RAB5A: variants seen among roughly 807,000 people sequenced by gnomAD.
RAB5A encodes the protein ras-related protein Rab-5A.
Under a neutral mutation model 25.7 loss-of-function variants are expected in RAB5A, and 8 were observed. The observed-to-expected ratio is 0.31, with a 90% CI of 0.18 to 0.56. The LOEUF is 0.56. Ranked by LOEUF, RAB5A falls within the 20% of genes least tolerant of loss-of-function variation. The pLI, the probability that RAB5A is intolerant of heterozygous loss-of-function variation, is 0.91. For missense variants in RAB5A, 192 were observed against 259.7 expected (o/e 0.74, Z 1.79); for synonymous variants, 98 against 89.8 (o/e 1.09, Z -0.52).
At chr3:19,960,404 A>G (rs1696568104) in intron 2 of RAB5A, among the ~76,000 whole-genome samples, 1 of 152,130 alleles carries the variant, frequency 6.6e-6, no homozygotes, top group African/African-American at 2.4e-5. Flanking sequence ...GGCTCCAGCC[A>G]TCTTCCCACC....
intron 2 of RAB5A, among the ~76,000 whole-genome samples, chr3:19,951,690 A>T (rs1438283873): frequency 1.1e-5 from 1 of 87,994 alleles, no homozygotes; most frequent in Non-Finnish European, 2.6e-5. Context: ...GCATGCCACC[A>T]TGCCAGGCAA....
intron 2 of RAB5A, among the ~76,000 whole-genome samples, chr3:19,969,175 G>A (rs1696709067): frequency 6.6e-6 from 1 of 151,674 alleles, no homozygotes; most frequent in African/African-American, 2.4e-5. Flanking sequence ...CTCCCAAGTA[G>A]CTGGGATTAC....
At chr3:19,948,876 T>C (rs12489907) in intron 1 of RAB5A, among the ~76,000 whole-genome samples, 30,960 of 152,150 alleles carry the variant, frequency 0.2, 3,814 homozygotes, top group African/African-American at 0.34. Context: ...ATGTTTTGAT[T>C]GTGTGTAATA....
chr3:19,979,582 G>A (rs778934907), intron 5 of RAB5A, among the ~76,000 whole-genome samples: 16 of 152,102 alleles, frequency 1.1e-4, no homozygotes, highest in Admixed American at 2.0e-4. Flanking sequence ...ACTGCCCCTG[G>A]CCCTAAGGTA....
intron 2 of RAB5A, among the ~76,000 whole-genome samples, chr3:19,953,535 G>A (rs551890295): frequency 1.2e-3 from 177 of 151,556 alleles, no homozygotes; most frequent in Middle Eastern, 3.4e-3. Context: ...AGCCCCCCAA[G>A]TAGCTGGGAC....
At chr3:19,959,870 C>T (rs953972210) in intron 2 of RAB5A, among the ~76,000 whole-genome samples, 1 of 152,062 alleles carries the variant, frequency 6.6e-6, no homozygotes, top group Non-Finnish European at 1.5e-5. Flanking sequence ...CAAGTGATCT[C>T]CTGGCTTGGC....
At position 19,984,002 on chromosome 3, in the gene RAB5A, T is replaced by A; in HGVS notation, c.*179T>A. On this transcript the variant is annotated 3_prime_UTR_variant, in exon 6 of 6. Coordinates refer to ENST00000273047, the MANE Select transcript of RAB5A (RefSeq NM_004162.5). Reference sequence around the variant, plus strand: ...CTTAATTTTTAATAACATGCATGGGTCCCTCTCACTAATGTTTCAACAATA... The same window carrying A: ...CTTAATTTTTAATAACATGCATGGGACCCTCTCACTAATGTTTCAACAATA... 1 of 553,972 alleles carries A rather than the reference T, an allele frequency of 1.8e-6. No individual in the cohort carries two copies. The highest frequency in any genetic ancestry group is 2.1e-5 in the South Asian group (1 of 46,800). 34.3% of individuals were successfully genotyped at this position (553,972 alleles called of 1,614,324 possible). A position where few individuals can be genotyped will look rare whatever the true frequency, so the allele number is the denominator to read the frequency against.
intron 5 of RAB5A, 115 bp from the exon 6 acceptor site, chr3:19,983,593 G>GT: frequency 1.4e-6 from 1 of 713,784 alleles, no homozygotes; most frequent in Non-Finnish European, 2.5e-6. Flanking sequence ...TGAACATATG[G>GT]TTATATGATA....
At chr3:19,970,723 T>A (rs1696737767) in intron 2 of RAB5A, 1 of 390,576 alleles carries the variant, frequency 2.6e-6, no homozygotes, top group African/African-American at 2.1e-5. Flanking sequence ...TTCAGGTAAG[T>A]TTGTGGTTGG....
At chr3:19,971,213 A>AAAAAC (rs1553639430) in intron 2 of RAB5A, among the ~76,000 whole-genome samples, 1 of 146,260 alleles carries the variant, frequency 6.8e-6, no homozygotes, top group African/African-American at 2.5e-5. Context: ...AAAAAAAAAA[A>AAAAAC]AACACTATAG....
intron 2 of RAB5A, among the ~76,000 whole-genome samples, chr3:19,953,941 G>C (rs1043788895): frequency 2.0e-5 from 3 of 152,150 alleles, no homozygotes; most frequent in Admixed American, 6.6e-5. Flanking sequence ...TAGGTAATAC[G>C]TATTTTTGTT....
At chr3:19,960,356 A>C (rs1019421683) in intron 2 of RAB5A, among the ~76,000 whole-genome samples, 14 of 152,178 alleles carry the variant, frequency 9.2e-5, no homozygotes, top group African/African-American at 3.4e-4. Context: ...ACTGGAGTGC[A>C]GTGGCATGAT....
At chr3:19,974,531 A>C (rs527436102) in intron 2 of RAB5A, among the ~76,000 whole-genome samples, 2 of 152,262 alleles carry the variant, frequency 1.3e-5, no homozygotes, top group Non-Finnish European at 2.9e-5. Context: ...AGGGAATGAA[A>C]GGTAGGAGCA....
chr3:19,958,355 A>G (rs1320730914), intron 2 of RAB5A, among the ~76,000 whole-genome samples: 4 of 152,230 alleles, frequency 2.6e-5, no homozygotes, highest in Non-Finnish European at 5.9e-5. Context: ...AATTTATATC[A>G]CAACCTAAAA....
At chr3:19,961,541 A>C (rs994503980) in intron 2 of RAB5A, among the ~76,000 whole-genome samples, 5 of 152,218 alleles carry the variant, frequency 3.3e-5, no homozygotes, top group African/African-American at 1.2e-4. Flanking sequence ...AAAGAATATA[A>C]GACGATTATT....
intron 2 of RAB5A, among the ~76,000 whole-genome samples, chr3:19,954,600 T>G (rs2125179551): frequency 6.6e-6 from 1 of 152,212 alleles, no homozygotes; most frequent in Middle Eastern, 3.4e-3. Context: ...GGCAGATCGC[T>G]TGAGTCCAGG....
Position 19,984,262 on chromosome 3 carries a change from A to G in RAB5A, c.*439A>G. 1 of 430,994 alleles carries G rather than the reference A, an allele frequency of 2.3e-6. No homozygotes were observed. The highest frequency in any genetic ancestry group is 1.7e-5 in the South Asian group (1 of 60,226). 26.7% of individuals were successfully genotyped at this position (430,994 alleles called of 1,614,324 possible). A position where few individuals can be genotyped will look rare whatever the true frequency, so the allele number is the denominator to read the frequency against. ...CTAAAGTTATTTATGATGCTTAGCC[A>G]TAGTATTCAGGCAAATGTTCATTTC... On this transcript the variant is annotated 3_prime_UTR_variant, in exon 6 of 6. Coordinates refer to ENST00000273047, the MANE Select transcript of RAB5A (RefSeq NM_004162.5).
chr3:19,976,010 TGAGCC>T (rs1220257845), intron 3 of RAB5A, 32 bp from the exon 4 acceptor site: 2 of 1,588,194 alleles, frequency 1.3e-6, no homozygotes, highest in South Asian at 1.2e-5. Context: ...AACCATTTTT[TGAGCC>T]TGTGCTCAAT....
intron 2 of RAB5A, among the ~76,000 whole-genome samples, chr3:19,953,200 C>T (rs968504416): frequency 2.0e-5 from 3 of 152,008 alleles, no homozygotes; most frequent in African/African-American, 7.2e-5. Context: ...AATGATAGCT[C>T]AAGAAGGATG....
Sources: allele counts gnomAD v4.1 joint callset (sites outside exome capture counted in the v4.1 genomes callset), GRCh38; gene constraint gnomAD v4.1.1; transcripts MANE v1.5; gene names NCBI Gene and HGNC (gene_info 2026-07-23, HGNC 2026-07-21).